The following KCND2 variants were observed in gnomAD, a reference collection of about 807,000 sequenced individuals.
KCND2 encodes the protein potassium voltage-gated channel subfamily D member 2, also known as A-type voltage-gated potassium channel KCND2.
KCND2 carries 16 observed loss-of-function variants against 54.4 expected under a neutral mutation model. That is an observed-to-expected ratio of 0.29 (90% CI 0.20 to 0.45). The LOEUF is 0.45. Among genes scored for constraint, KCND2 ranks in the 20% least tolerant of loss-of-function variants. The pLI is 1.00. For synonymous variants in KCND2, 317 were observed against 310.7 expected (o/e 1.02, Z -0.21); for missense variants, 486 against 824.2 (o/e 0.59, Z 5.02).
At chr7:120,315,169 C>T (rs145601312) in intron 1 of KCND2, among the ~76,000 whole-genome samples, 184 of 152,176 alleles carry the variant, frequency 1.2e-3, no homozygotes, top group African/African-American at 4.0e-3. Context: ...TTGAAAGAAT[C>T]GAATCTCTCT....
intron 1 of KCND2, among the ~76,000 whole-genome samples, chr7:120,495,264 A>G (rs1185577718): frequency 6.6e-6 from 1 of 152,148 alleles, no homozygotes; most frequent in African/African-American, 2.4e-5. Flanking sequence ...TTTAAAAATT[A>G]CTGAGATCAA....
chr7:120,498,711 G>A, intron 1 of KCND2, among the ~76,000 whole-genome samples: 1 of 152,224 alleles, frequency 6.6e-6, no homozygotes, highest in African/African-American at 2.4e-5. Flanking sequence ...GGAGGCAGAG[G>A]TTGCAGTAAG....
intron 1 of KCND2, among the ~76,000 whole-genome samples, chr7:120,528,430 G>A (rs1228301387): frequency 1.3e-5 from 2 of 152,058 alleles, no homozygotes; most frequent in Admixed American, 6.6e-5. Context: ...CTAGTTTGGA[G>A]TTATTAAATC....
At chr7:120,488,769 A>C (rs1389059371) in intron 1 of KCND2, among the ~76,000 whole-genome samples, 1 of 152,094 alleles carries the variant, frequency 6.6e-6, no homozygotes, top group East Asian at 1.9e-4. Context: ...TTTGAAAGAA[A>C]AAATTTAAAA....
chr7:120,529,358 A>G (rs1423715361), intron 1 of KCND2, among the ~76,000 whole-genome samples: 4 of 152,106 alleles, frequency 2.6e-5, no homozygotes, highest in African/African-American at 9.7e-5. Flanking sequence ...TGCTTGGGCC[A>G]TTTCACCTTC....
Position 120,273,760 on chromosome 7 carries a change from GC to G in KCND2, c.-871del, listed in dbSNP as rs1039464978. 8 of 152,710 alleles carry G rather than the reference GC, an allele frequency of 5.2e-5. No individual in the cohort carries two copies. The highest frequency in any genetic ancestry group is 1.9e-4 in the African/African-American group (8 of 41,468). The allele number at this position is 152,710 out of a possible 1,614,324, so 9.5% of individuals were successfully genotyped here. The stretch of plus-strand genomic sequence containing the variant: ...GCAACTAAGCCCCGGCGCGCACTTG[GC>G]CAGGTATGTACCGCGGGAGCGGCGC... On this transcript the variant is annotated 5_prime_UTR_variant, in exon 1 of 6. An upstream open reading frame in the 5' UTR gains an earlier in-frame stop. Coordinates refer to ENST00000331113, the MANE Select transcript of KCND2 (RefSeq NM_012281.3).
At chr7:120,419,079 T>TAA in intron 1 of KCND2, among the ~76,000 whole-genome samples, 1 of 152,246 alleles carries the variant, frequency 6.6e-6, no homozygotes, top group East Asian at 1.9e-4. Flanking sequence ...TATATATATA[T>TAA]AATTGAATAT....
chr7:120,607,290 T>A (rs993516493), intron 1 of KCND2, among the ~76,000 whole-genome samples: 3 of 152,118 alleles, frequency 2.0e-5, no homozygotes, highest in African/African-American at 7.2e-5. Flanking sequence ...TTGGTCAGAG[T>A]TCTCATTGCT....
intron 1 of KCND2, among the ~76,000 whole-genome samples, chr7:120,374,415 AC>A (rs1215373969): frequency 6.6e-6 from 1 of 151,440 alleles, no homozygotes; most frequent in Non-Finnish European, 1.5e-5. Context: ...CACTCCCCCA[AC>A]CCCCGAAAAA....
chr7:120,603,622 C>T (rs912202832), intron 1 of KCND2, among the ~76,000 whole-genome samples: 1 of 152,160 alleles, frequency 6.6e-6, no homozygotes, highest in African/African-American at 2.4e-5. Flanking sequence ...AATCCTAGCC[C>T]TACACTTATT....
intron 1 of KCND2, among the ~76,000 whole-genome samples, chr7:120,414,760 A>C (rs1175347542): frequency 6.6e-6 from 1 of 152,048 alleles, no homozygotes; most frequent in Non-Finnish European, 1.5e-5. Flanking sequence ...GCCTCTCTTC[A>C]TCCCTTAGTT....
chr7:120,718,811 TTAAC>T (rs1792634123), intron 1 of KCND2, among the ~76,000 whole-genome samples: 1 of 152,156 alleles, frequency 6.6e-6, no homozygotes. Context: ...AATGAGATAA[TTAAC>T]AGTTGTTTTC....
At chr7:120,534,796 T>C (rs1791884897) in intron 1 of KCND2, among the ~76,000 whole-genome samples, 1 of 152,170 alleles carries the variant, frequency 6.6e-6, no homozygotes. Context: ...TATTTAAATT[T>C]AAGGATGTCT....
At position 120,420,450 on chromosome 7, in the gene KCND2, A is replaced by T. The variant is rs181491275; in HGVS notation, c.1115+144703A>T. On this transcript the variant is annotated intron_variant, in intron 1 of 5. Coordinates refer to ENST00000331113, the MANE Select transcript of KCND2 (RefSeq NM_012281.3). ...AATAGGTCTTGATAGAGAGGGAAAG[A>T]AAAAAGAAAGAGCTTGGTGATGGTG... Among the ~76,000 whole-genome samples the T allele has an allele frequency of 6.3e-3, 953 of 152,314 alleles. 6 individuals carry two copies. Among genetic ancestry groups the T allele is most frequent in the Non-Finnish European group, 9.6e-3 (654 of 68,034 alleles).
chr7:120,335,550 G>C (rs906514760), intron 1 of KCND2, among the ~76,000 whole-genome samples: 2 of 150,914 alleles, frequency 1.3e-5, no homozygotes, highest in African/African-American at 4.9e-5. Flanking sequence ...GCAGTGGTGC[G>C]ATCTTGGCTC....
intron 1 of KCND2, among the ~76,000 whole-genome samples, chr7:120,417,346 T>C (rs1801538294): frequency 6.6e-6 from 1 of 152,212 alleles, no homozygotes; most frequent in African/African-American, 2.4e-5. Context: ...TGCTTTTTCC[T>C]GGTTGTTAGA....
At chr7:120,392,439 G>GT (rs79468718) in intron 1 of KCND2, among the ~76,000 whole-genome samples, 304 of 138,314 alleles carry the variant, frequency 2.2e-3, no homozygotes, top group African/African-American at 5.9e-3. Flanking sequence ...AGTTTTTTTT[G>GT]TTTTTTTTTT....
At chr7:120,306,007 G>T (rs571187053) in intron 1 of KCND2, among the ~76,000 whole-genome samples, 1 of 152,236 alleles carries the variant, frequency 6.6e-6, no homozygotes, top group African/African-American at 2.4e-5. Context: ...CTTTACAGTA[G>T]AATTGTTTGA....
intron 1 of KCND2, 151 bp from the exon 2 acceptor site, chr7:120,732,752 T>G (rs1792823017): frequency 1.7e-6 from 1 of 595,116 alleles, no homozygotes; most frequent in Non-Finnish European, 2.9e-6. Flanking sequence ...ATTTCTGACA[T>G]TAAAGTCTGA....
Sources: allele counts gnomAD v4.1 joint callset (sites outside exome capture counted in the v4.1 genomes callset), GRCh38; gene constraint gnomAD v4.1.1; transcripts MANE v1.5; gene names NCBI Gene and HGNC (gene_info 2026-07-23, HGNC 2026-07-21).